Variants in PRDM1 observed in about 807,000 individuals in gnomAD.
PRDM1 encodes the protein PR/SET domain 1, also known as PR domain zinc finger protein 1.
In PRDM1, 13 loss-of-function variants were observed where a neutral mutation model predicts 62.8. That is an observed-to-expected ratio of 0.21 (90% CI 0.13 to 0.33). PRDM1 has a LOEUF of 0.33. Among genes scored for constraint, PRDM1 ranks in the 10% least tolerant of loss-of-function variants. The pLI is 1.00. For synonymous variants in PRDM1, 396 were observed against 417.6 expected, an observed-to-expected ratio of 0.95 and a Z score of 0.63; for missense variants, 895 against 1,058.8, an observed-to-expected ratio of 0.85 and a Z score of 2.15.
chr6:106,042,324 C>T (rs1352750888), intron 1 of PRDM1, among the ~76,000 whole-genome samples: 1 of 150,104 alleles, frequency 6.7e-6, no homozygotes, highest in South Asian at 2.1e-4. Context: ...AGTTTGAGAC[C>T]AGCCTGACCA....
intron 1 of PRDM1, among the ~76,000 whole-genome samples, chr6:106,038,662 T>C (rs147938759): frequency 6.6e-6 from 1 of 152,298 alleles, no homozygotes; most frequent in East Asian, 1.9e-4. Flanking sequence ...GATCAAGACA[T>C]AGATCCTAAT....
rs753109503 is a variant in PRDM1 at position 106,107,198 on chromosome 6, C to T, written c.2190C>T (p.Ile730=). The change falls in exon 7 of 7, where the codon ATC becomes ATT. Residue 730 remains isoleucine (I), a synonymous_variant. Coordinates refer to ENST00000369096, the MANE Select transcript of PRDM1 (RefSeq NM_001198.4). ...ATCTGACCCGAATCAATGAAGAAAT[C>T]GAGAAGTTTGACATCAGTGACAATG... is the stretch of plus-strand genomic sequence containing the variant. ...LEDLTRINEE[I]EKFDISDNAD... 9.9e-6 allele frequency: 16 copies of T among 1,614,056 alleles called. No homozygotes were observed. The East Asian group carries it at 2.5e-4, about 25-fold the overall frequency.
intron 1 of PRDM1, among the ~76,000 whole-genome samples, chr6:106,057,534 AT>A (rs1201615943): frequency 1.3e-5 from 2 of 151,968 alleles, no homozygotes; most frequent in Non-Finnish European, 2.9e-5. Context: ...TTGTTGGGGT[AT>A]TTTTTTTCCT....
chr6:106,104,197 A>C (rs1774361896), intron 4 of PRDM1, among the ~76,000 whole-genome samples: 2 of 148,610 alleles, frequency 1.3e-5, no homozygotes, highest in African/African-American at 5.0e-5. Context: ...CACTCCATTA[A>C]AATGGAAGTT....
At chr6:106,101,532 C>T (rs1774272176) in intron 4 of PRDM1, among the ~76,000 whole-genome samples, 3 of 152,174 alleles carry the variant, frequency 2.0e-5, no homozygotes, top group Admixed American at 2.0e-4. Flanking sequence ...GGTGGTTTAA[C>T]ATTTTCAAGC....
At chr6:106,030,082 A>C (rs991279492) in intron 1 of PRDM1, among the ~76,000 whole-genome samples, 1 of 151,998 alleles carries the variant, frequency 6.6e-6, no homozygotes, top group African/African-American at 2.4e-5. Flanking sequence ...AGAGTTCTTT[A>C]TGTATTTTAT....
intron 1 of PRDM1, among the ~76,000 whole-genome samples, chr6:106,081,043 T>G (rs1168865270): frequency 6.6e-6 from 1 of 152,238 alleles, no homozygotes; most frequent in Non-Finnish European, 1.5e-5. Flanking sequence ...CAGCTTTTCC[T>G]TAGTCAACAT....
At chr6:106,097,233 T>G (rs1774136664) in intron 3 of PRDM1, among the ~76,000 whole-genome samples, 1 of 152,208 alleles carries the variant, frequency 6.6e-6, no homozygotes, top group Non-Finnish European at 1.5e-5. Flanking sequence ...GCCACAAAGG[T>G]GCATAGTTCT....
intron 1 of PRDM1, chr6:106,087,658 G>T (rs538798107): frequency 7.7e-5 from 18 of 232,926 alleles, no homozygotes; most frequent in African/African-American, 4.0e-4. Context: ...AAGTTGTTTT[G>T]CGTTGGGAGC....
intron 1 of PRDM1, among the ~76,000 whole-genome samples, chr6:106,019,439 C>G (rs1019020793): frequency 1.3e-5 from 2 of 150,436 alleles, no homozygotes; most frequent in African/African-American, 4.9e-5. Context: ...TTTCTTCTCC[C>G]TATAATTAAA....
At position 106,059,440 on chromosome 6, in the gene PRDM1, G is replaced by A. The variant is rs117073096; in HGVS notation, c.-67+10726G>A. Among the ~76,000 whole-genome samples, 38 of 152,296 alleles carry A rather than the reference G, an allele frequency of 2.5e-4. No homozygotes were observed. In the East Asian group the frequency reaches 2.9e-3, roughly 12 times the overall value. ...AAAGGAAACAAACAAAACAAAAACC[G>A]TGTCTGGAGCCTAGAGAACAAGTGG... On this transcript the variant is annotated intron_variant, in intron 1 of 6. Coordinates refer to the PRDM1 transcript ENST00000651185.
At chr6:106,102,093 G>T (rs758710438) in intron 4 of PRDM1, among the ~76,000 whole-genome samples, 1 of 152,146 alleles carries the variant, frequency 6.6e-6, no homozygotes, top group Non-Finnish European at 1.5e-5. Context: ...TTTGCCTACT[G>T]CAGAACTTCT....
Position 106,106,853 on chromosome 6 carries a change from C to CT in PRDM1, c.1903-56dup. 6.6e-7 allele frequency: 1 copy of CT among 1,525,914 alleles called. No homozygotes were observed. The highest frequency in any genetic ancestry group is 2.3e-5 in the East Asian group (1 of 44,170). 94.5% of individuals were successfully genotyped at this position (1,525,914 alleles called of 1,614,324 possible). On this transcript the variant is annotated intron_variant, in intron 6 of 6. Transcript: ENST00000369096. The surrounding 1 kb of genome is among the most constrained non-coding windows in gnomAD (Gnocchi z 4.4). ...AAGCCTGCCCCTCCCGTTGGCAACT[C>CT]TTAATCTTCTGGCCTTCCTGTCTCC...
At chr6:106,011,685 G>C (rs1395064758) in intron 1 of PRDM1, among the ~76,000 whole-genome samples, 3 of 152,058 alleles carry the variant, frequency 2.0e-5, no homozygotes, top group Admixed American at 2.0e-4. Flanking sequence ...GAAGTCCCAG[G>C]TTAGTGGTAT....
intron 1 of PRDM1, among the ~76,000 whole-genome samples, chr6:106,074,940 T>C (rs997842467): frequency 6.6e-6 from 1 of 152,196 alleles, no homozygotes; most frequent in Non-Finnish European, 1.5e-5. Flanking sequence ...TGGTCCTGCA[T>C]CAAAGATGGG....
At chr6:106,046,091 G>A (rs1475114155), upstream of PRDM1, 3 of 151,652 alleles carry the variant, frequency 2.0e-5, no homozygotes, top group African/African-American at 7.3e-5. Flanking sequence ...TAGAGAAGAA[G>A]GGAAAAAAAA....
chr6:106,095,763 T>C (rs1774097597), intron 3 of PRDM1, 29 bp downstream of exon 3: 1 of 1,610,336 alleles, frequency 6.2e-7, no homozygotes. Flanking sequence ...TTCAGACCCA[T>C]TAAATGTTAG....
chr6:105,997,138 C>T (rs908681525), intron 1 of PRDM1, among the ~76,000 whole-genome samples: 1 of 152,208 alleles, frequency 6.6e-6, no homozygotes, highest in African/African-American at 2.4e-5. Flanking sequence ...AAGTGGAAGA[C>T]CAGTAACTCA....
At chr6:106,013,592 T>C (rs1262003117) in intron 1 of PRDM1, among the ~76,000 whole-genome samples, 1 of 152,202 alleles carries the variant, frequency 6.6e-6, no homozygotes, top group Non-Finnish European at 1.5e-5. Context: ...CCTCCCAAAG[T>C]GCTGGGATTA....
Sources: allele counts gnomAD v4.1 joint callset (sites outside exome capture counted in the v4.1 genomes callset), GRCh38; gene constraint gnomAD v4.1.1; non-coding constraint Gnocchi (gnomAD v3.1); transcripts MANE v1.5; gene names NCBI Gene and HGNC (gene_info 2026-07-23, HGNC 2026-07-21).